TBC1D5: variants seen among roughly 807,000 people sequenced by gnomAD.
The protein encoded by TBC1D5 is TBC1 domain family member 5.
TBC1D5 carries 75 observed loss-of-function variants against 100.3 expected under a neutral mutation model. The ratio of observed to expected loss-of-function variants is 0.75; its 90% CI spans 0.62 to 0.91. The LOEUF is 0.91. TBC1D5 is among the 40% of genes least tolerant of loss of function. The pLI, the probability that TBC1D5 is intolerant of heterozygous loss-of-function variation, is 0.00. For missense variants in TBC1D5, 910 were observed against 942.4 expected (o/e 0.97, Z 0.45); for synonymous variants, 323 against 325.6 (o/e 0.99, Z 0.09).
chr3:17,348,213 C>A (rs2090144454), intron 13 of TBC1D5, among the ~76,000 whole-genome samples: 1 of 152,180 alleles, frequency 6.6e-6, no homozygotes, highest in African/African-American at 2.4e-5. Flanking sequence ...TGCTGAAAAT[C>A]ACCTTGGAAC....
chr3:17,211,952 G>C (rs2073039306), intron 18 of TBC1D5, among the ~76,000 whole-genome samples: 1 of 152,216 alleles, frequency 6.6e-6, no homozygotes, highest in African/African-American at 2.4e-5. Flanking sequence ...GAGCAAAAAT[G>C]TTTAATTTGC....
intron 1 of TBC1D5, among the ~76,000 whole-genome samples, chr3:17,675,383 T>C (rs924358687): frequency 6.6e-6 from 1 of 152,158 alleles, no homozygotes; most frequent in Non-Finnish European, 1.5e-5. Context: ...AGCCATTCAT[T>C]GGTAACTGAT....
chr3:17,364,761 CTTTCT>C (rs1214257704), intron 13 of TBC1D5, among the ~76,000 whole-genome samples: 3 of 152,100 alleles, frequency 2.0e-5, no homozygotes, highest in East Asian at 3.9e-4. Flanking sequence ...AATCTTGTTA[CTTTCT>C]TTTGTTATTC....
intron 16 of TBC1D5, among the ~76,000 whole-genome samples, chr3:17,256,926 C>A (rs1288837889): frequency 3.3e-5 from 5 of 151,970 alleles, no homozygotes; most frequent in Non-Finnish European, 7.4e-5. Flanking sequence ...AGTGCTCTAG[C>A]AGGAGGGAGG....
intron 14 of TBC1D5, among the ~76,000 whole-genome samples, chr3:17,297,278 G>A (rs78872594): frequency 0.015 from 2,290 of 152,230 alleles, 49 homozygotes; most frequent in African/African-American, 0.052. Flanking sequence ...ATGATATAGC[G>A]TAAAAACAAT....
intron 1 of TBC1D5, among the ~76,000 whole-genome samples, chr3:17,693,482 A>G (rs1192014534): frequency 2.0e-5 from 3 of 152,326 alleles, no homozygotes; most frequent in Admixed American, 2.0e-4. Context: ...GCTCACTGCT[A>G]GCGCAGCAGT....
intron 2 of TBC1D5, among the ~76,000 whole-genome samples, chr3:17,591,262 A>AAAAAAAAAAAAAG (rs763680272): frequency 8.9e-6 from 1 of 112,798 alleles, no homozygotes; most frequent in Admixed American, 1.0e-4. Flanking sequence ...AAAAAAAAAA[A>AAAAAAAAAAAAAG]AAAACAAAAA....
intron 8 of TBC1D5, among the ~76,000 whole-genome samples, chr3:17,391,484 T>C (rs988886454): frequency 1.3e-5 from 2 of 152,096 alleles, no homozygotes; most frequent in Admixed American, 6.6e-5. Flanking sequence ...ATTGTTGTTC[T>C]AAGCCACCAA....
intron 17 of TBC1D5, among the ~76,000 whole-genome samples, chr3:17,217,240 T>C (rs551407978): frequency 7.9e-5 from 12 of 152,284 alleles, no homozygotes; most frequent in African/African-American, 2.9e-4. Flanking sequence ...TAATATTCCA[T>C]TGTATGGGTA....
At chr3:17,699,980 G>C (rs2072899092) in intron 1 of TBC1D5, 1 of 152,128 alleles carries the variant, frequency 6.6e-6, no homozygotes, top group Non-Finnish European at 1.5e-5. Context: ...CCCTTCACCT[G>C]TTAGAAGCTC....
intron 3 of TBC1D5, among the ~76,000 whole-genome samples, chr3:17,507,808 A>G (rs1042314874): frequency 7.2e-5 from 11 of 152,330 alleles, no homozygotes; most frequent in African/African-American, 2.4e-4. Context: ...GGCTTCAAAA[A>G]TTCTCACAAA....
chr3:17,722,633 A>G (rs1012125122), intron 1 of TBC1D5, among the ~76,000 whole-genome samples: 2 of 152,224 alleles, frequency 1.3e-5, no homozygotes, highest in African/African-American at 4.8e-5. Context: ...CACTGTCCTC[A>G]GTGCCTTTTA....
chr3:17,480,910 C>T (rs2095494149), intron 3 of TBC1D5, among the ~76,000 whole-genome samples: 1 of 152,220 alleles, frequency 6.6e-6, no homozygotes, highest in Admixed American at 6.5e-5. Flanking sequence ...GAACTTGGGA[C>T]CTGCCAAATG....
At chr3:17,631,823 C>G (rs769130081) in intron 1 of TBC1D5, among the ~76,000 whole-genome samples, 1 of 152,176 alleles carries the variant, frequency 6.6e-6, no homozygotes, top group African/African-American at 2.4e-5. Context: ...AAAAAAAGAT[C>G]CCTTTCAAAA....
At chr3:17,607,403 T>C (rs2061393612) in intron 2 of TBC1D5, among the ~76,000 whole-genome samples, 1 of 152,186 alleles carries the variant, frequency 6.6e-6, no homozygotes, top group African/African-American at 2.4e-5. Flanking sequence ...TCAACATAAA[T>C]TTGAATCCAA....
At chr3:17,356,056 G>A (rs989982351) in intron 13 of TBC1D5, among the ~76,000 whole-genome samples, 9 of 152,148 alleles carry the variant, frequency 5.9e-5, no homozygotes, top group African/African-American at 1.9e-4. Flanking sequence ...CAATATGCTG[G>A]TTTTAAAAAA....
chr3:17,303,833 CTTTTTTT>C (rs140988557), intron 14 of TBC1D5, among the ~76,000 whole-genome samples: 125 of 84,512 alleles, frequency 1.5e-3, no homozygotes, highest in African/African-American at 6.1e-3. Context: ...CAATCTACCT[CTTTTTTT>C]TTTTTTTTTT....
At chr3:17,513,821 G>T (rs756251903) in intron 2 of TBC1D5, among the ~76,000 whole-genome samples, 3 of 152,166 alleles carry the variant, frequency 2.0e-5, no homozygotes, top group African/African-American at 2.4e-5. Flanking sequence ...TATTTACCAT[G>T]ATAGGTATTT....
Position 17,166,810 on chromosome 3 carries a change from C to T in TBC1D5, c.2051G>A (p.Arg684Gln), listed in dbSNP as rs774391519. 41 of 1,613,990 alleles carry T rather than the reference C, an allele frequency of 2.5e-5. No homozygotes were observed. The highest frequency in any genetic ancestry group is 3.3e-4 in the Middle Eastern group (2 of 6,060). Residue 684 changes from arginine to glutamine, a missense_variant, in exon 21 of 22, where the codon CGA (arginine) becomes CAA (glutamine). Physicochemically the swap from Arg to Gln is conservative, Grantham distance 43. Coordinates refer to ENST00000253692, the Ensembl canonical transcript of TBC1D5. ...CATTTGAACGCTCTGGCCTTGGCCT[C>T]GGCCCTGGCCCTGGCCGCTGGAGCA... is the stretch of plus-strand genomic sequence containing the variant.
Sources: gnomAD v4.1 joint callset for allele counts (sites outside exome capture counted in the v4.1 genomes callset) on GRCh38, gnomAD v4.1.1 for gene constraint, MANE v1.5 for transcripts, NCBI Gene and HGNC (gene_info 2026-07-23, HGNC 2026-07-21) for gene names.